The following STAU1 variants were observed in gnomAD, a reference collection of about 807,000 sequenced individuals.
STAU1 encodes the protein double-stranded RNA-binding protein Staufen homolog 1.
STAU1 carries 13 observed loss-of-function variants against 62.9 expected under a neutral mutation model. The observed-to-expected ratio is 0.21, with a 90% CI of 0.13 to 0.33. STAU1 has a LOEUF of 0.33. Ranked by LOEUF, STAU1 falls within the 10% of genes least tolerant of loss-of-function variation. STAU1 has a pLI of 1.00. For synonymous variants in STAU1, 269 were observed against 265.1 expected (o/e 1.01, Z -0.14); for missense variants, 571 against 712.1 (o/e 0.80, Z 2.25).
At chr20:49,134,817 T>G (rs1022940851) in intron 6 of STAU1, 1 of 1,428,114 alleles carries the variant, frequency 7.0e-7, no homozygotes, top group Non-Finnish European at 9.9e-7. Context: ...GGTTTTCCAC[T>G]TCACGCAATT....
chr20:49,124,248 C>T (rs904748662), intron 7 of STAU1, 127 bp downstream of exon 7: 1 of 927,864 alleles, frequency 1.1e-6, no homozygotes, highest in African/African-American at 1.7e-5. Flanking sequence ...TCTAAGGGGT[C>T]TGGCAGGCCT....
intron 3 of STAU1, among the ~76,000 whole-genome samples, chr20:49,163,060 C>T (rs1289512956): frequency 2.0e-5 from 3 of 152,022 alleles, no homozygotes; most frequent in East Asian, 3.9e-4. Flanking sequence ...GGCATGGTGG[C>T]GTGTGCCTAT....
intron 1 of STAU1, among the ~76,000 whole-genome samples, chr20:49,187,115 C>T (rs1425087925): frequency 6.6e-6 from 1 of 152,082 alleles, no homozygotes; most frequent in African/African-American, 2.4e-5. Context: ...CTTCAGAGCC[C>T]AACACACAGC....
Position 49,174,287 on chromosome 20 carries a change from A to G in STAU1, c.-159-18T>C, listed in dbSNP as rs546732504. The G allele has an allele frequency of 6.6e-6, 1 of 152,350 alleles. No homozygotes were observed. Among genetic ancestry groups the G allele is most frequent in the Admixed American group, 6.5e-5 (1 of 15,302 alleles). 9.4% of individuals were successfully genotyped at this position (152,350 alleles called of 1,614,324 possible). ...AATAAACTCTGGAAAATAAAAAATA[A>G]TAATAATTTAGTAGGGTAGGTCTTT... On this transcript the variant is annotated intron_variant, in intron 1 of 13. Coordinates refer to ENST00000371856, the MANE Select transcript of STAU1 (RefSeq NM_017453.4).
At chr20:49,134,464 C>A (rs6066976) in intron 6 of STAU1, 20 of 723,864 alleles carry the variant, frequency 2.8e-5, no homozygotes, top group South Asian at 3.2e-5. Context: ...TGGGTTGAAA[C>A]CCGGGCGCCG....
the STAU1 span, among the ~76,000 whole-genome samples, chr20:49,209,457 A>G: frequency 2.0e-5 from 3 of 151,360 alleles, no homozygotes; most frequent in African/African-American, 7.3e-5. Context: ...AAAAAAAAAA[A>G]AGGAAGGCCA....
chr20:49,206,756 AT>A, the STAU1 span, among the ~76,000 whole-genome samples: 2 of 77,636 alleles, frequency 2.6e-5, no homozygotes, highest in African/African-American at 1.1e-4. Context: ...TATATATTTT[AT>A]TTTATTTTTT....
chr20:49,156,743 G>C (rs755072455), intron 3 of STAU1, among the ~76,000 whole-genome samples: 22 of 152,008 alleles, frequency 1.4e-4, no homozygotes, highest in Non-Finnish European at 2.4e-4. Context: ...CTTGAACCTT[G>C]AACACTTTCT....
At chr20:49,132,173 G>A (rs348298) in intron 6 of STAU1, among the ~76,000 whole-genome samples, 18,751 of 151,908 alleles carry the variant, frequency 0.12, 1,827 homozygotes, top group African/African-American at 0.28. Flanking sequence ...CATAGGTGCC[G>A]CCCACACCCA....
chr20:49,212,924 C>T, the STAU1 span, among the ~76,000 whole-genome samples: 2 of 151,956 alleles, frequency 1.3e-5, no homozygotes, highest in Non-Finnish European at 2.9e-5. Context: ...GTTGTAATAT[C>T]GGGTAATATG....
rs368921573 is a variant in STAU1 at position 49,117,531 on chromosome 20, T to G, written c.1509+246A>C. Among the ~76,000 whole-genome samples the G allele has an allele frequency of 5.9e-5, 9 of 152,330 alleles. No individual in the cohort carries two copies. Among genetic ancestry groups the G allele is most frequent in the African/African-American group, 2.2e-4 (9 of 41,568 alleles). On this transcript the variant is annotated intron_variant, in intron 11 of 13. Transcript: ENST00000371856. This position sits in a 1 kb window ranked among gnomAD's most constrained non-coding sequence, Gnocchi z 4.6. ...AATCCAAATTTACAACCACTGCTAG[T>G]GGTTAGAAGCTTTTAGGGTTGGCTT...
At chr20:49,121,144 C>T (rs1005353418) in intron 8 of STAU1, among the ~76,000 whole-genome samples, 46 of 152,080 alleles carry the variant, frequency 3.0e-4, no homozygotes, top group Admixed American at 2.0e-4. Flanking sequence ...TGGTGGCTCA[C>T]GCCTGTAATC....
the STAU1 span, among the ~76,000 whole-genome samples, chr20:49,208,643 A>G: frequency 6.7e-6 from 1 of 149,472 alleles, no homozygotes; most frequent in African/African-American, 2.5e-5. Flanking sequence ...TTTTTGAGAC[A>G]GAGTCTCGCT....
At chr20:49,131,511 A>G (rs2092749032) in intron 6 of STAU1, among the ~76,000 whole-genome samples, 1 of 152,212 alleles carries the variant, frequency 6.6e-6, no homozygotes, top group East Asian at 1.9e-4. Flanking sequence ...ATAATCCAGC[A>G]AAGTAAAAAA....
intron 1 of STAU1, among the ~76,000 whole-genome samples, chr20:49,182,093 C>A (rs748774683): frequency 1.8e-4 from 28 of 152,136 alleles, no homozygotes; most frequent in Non-Finnish European, 3.4e-4. Context: ...TAGATTTTTC[C>A]ACTTTTGCTT....
the STAU1 span, among the ~76,000 whole-genome samples, chr20:49,194,190 A>G: frequency 1.3e-5 from 2 of 152,112 alleles, no homozygotes; most frequent in African/African-American, 4.8e-5. Context: ...GCACTTTGAG[A>G]GGCCAGGGCG....
rs139553003 is a variant in STAU1 at position 49,147,052 on chromosome 20, A to T, written c.510+4530T>A. ...CACTTTCTTAACTTGGGGCCTTTGCAACTGCCACTCCCTCTCTGGGCATAC... is the reference window on the plus strand; with the variant it reads ...CACTTTCTTAACTTGGGGCCTTTGCTACTGCCACTCCCTCTCTGGGCATAC... On this transcript the variant is annotated intron_variant, in intron 5 of 13. Coordinates refer to ENST00000371856, the MANE Select transcript of STAU1 (RefSeq NM_017453.4). Among the ~76,000 whole-genome samples, 29 of 152,298 alleles carry T rather than the reference A, an allele frequency of 1.9e-4. No homozygotes were observed. In the Middle Eastern group the frequency reaches 0.01, roughly 54 times the overall value.
At chr20:49,207,581 T>A in the STAU1 span, among the ~76,000 whole-genome samples, 1 of 151,976 alleles carries the variant, frequency 6.6e-6, no homozygotes, top group Non-Finnish European at 1.5e-5. Flanking sequence ...AGTGGTGTGA[T>A]CTCGGCTCAC....
the STAU1 span, among the ~76,000 whole-genome samples, chr20:49,206,436 T>C: frequency 7.0e-6 from 1 of 142,794 alleles, no homozygotes. Context: ...TTTTTTTTTT[T>C]TTTGAGGCGG....
Sources: gnomAD v4.1 joint callset for allele counts (sites outside exome capture counted in the v4.1 genomes callset) on GRCh38, gnomAD v4.1.1 for gene constraint, Gnocchi (gnomAD v3.1) non-coding constraint, MANE v1.5 for transcripts, NCBI Gene and HGNC (gene_info 2026-07-23, HGNC 2026-07-21) for gene names.